SKP2: variants seen among roughly 807,000 people sequenced by gnomAD.
SKP2 encodes the protein S-phase kinase associated protein 2, also known as S-phase kinase-associated protein 2.
Under a neutral mutation model 51.8 loss-of-function variants are expected in SKP2, and 16 were observed. The ratio of observed to expected loss-of-function variants is 0.31; its 90% CI spans 0.21 to 0.47. SKP2 has a LOEUF of 0.47. SKP2 is among the 20% of genes least tolerant of loss of function. The pLI is 1.00. For missense variants in SKP2, 377 were observed against 505.3 expected, an observed-to-expected ratio of 0.75 and a Z score of 2.43; for synonymous variants, 176 against 198.6, an observed-to-expected ratio of 0.89 and a Z score of 0.96.
At chr5:36,179,346 A>G (rs567184932) in intron 9 of SKP2, among the ~76,000 whole-genome samples, 27 of 152,312 alleles carry the variant, frequency 1.8e-4, no homozygotes, top group African/African-American at 6.3e-4. Flanking sequence ...CAAGAGAGCC[A>G]TCTATGCTAA....
chr5:36,152,630 C>A, intron 1 of SKP2, 141 bp from the exon 2 acceptor site: 1 of 841,658 alleles, frequency 1.2e-6, no homozygotes, highest in Non-Finnish European at 1.8e-6. Context: ...TGGTAACTCG[C>A]CGCAGGCACA....
In SKP2 at chr5:36,163,677, C is replaced by T. The variant is rs1389333725; in HGVS notation, c.313C>T (p.Leu105Phe). ...ATGGGACTCCCTTCCGGATGAGCTGCTCTTGGGAATCTTTTCCTGTCTGTG... is the reference window on the plus strand; with the variant it reads ...ATGGGACTCCCTTCCGGATGAGCTGTTCTTGGGAATCTTTTCCTGTCTGTG... ...VSWDSLPDEL[L>F]LGIFSCLCLP... The change falls in exon 3 of 10, where the codon CTC (leucine) becomes TTC (phenylalanine). Residue 105 changes from leucine to phenylalanine, a missense_variant. Leu to Phe is a conservative substitution (Grantham distance 22). Transcript: ENST00000274255. 1 of 1,613,844 alleles carries T rather than the reference C, an allele frequency of 6.2e-7. No individual in the cohort carries two copies. Among genetic ancestry groups the T allele is most frequent in the Admixed American group, 1.7e-5 (1 of 59,994 alleles).
intron 2 of SKP2, among the ~76,000 whole-genome samples, chr5:36,158,366 T>C (rs1745017259): frequency 6.6e-6 from 1 of 152,238 alleles, no homozygotes; most frequent in Non-Finnish European, 1.5e-5. Context: ...CCTGGATGCC[T>C]ATTGCTAGAG....
At chr5:36,166,159 G>T (rs1745280678) in intron 3 of SKP2, among the ~76,000 whole-genome samples, 1 of 152,086 alleles carries the variant, frequency 6.6e-6, no homozygotes, top group Admixed American at 6.5e-5. Flanking sequence ...GATCCTATTT[G>T]CCTAGTAATA....
At chr5:36,166,689 A>G in intron 4 of SKP2, 27 bp downstream of exon 4, 1 of 1,594,710 alleles carries the variant, frequency 6.3e-7, no homozygotes, top group Non-Finnish European at 8.6e-7. Flanking sequence ...CCTGGAAAAG[A>G]CTATTTCTAA....
At chr5:36,181,187 C>CTAA (rs1490436586) in intron 9 of SKP2, among the ~76,000 whole-genome samples, 5 of 152,118 alleles carry the variant, frequency 3.3e-5, no homozygotes, top group Non-Finnish European at 7.4e-5. Context: ...ATGGCTATTA[C>CTAA]CTCCTATAAA....
At chr5:36,174,024 A>AT (rs762612814) in intron 7 of SKP2, among the ~76,000 whole-genome samples, 16 of 152,110 alleles carry the variant, frequency 1.1e-4, no homozygotes, top group Non-Finnish European at 1.8e-4. Flanking sequence ...GAGTTAAGAC[A>AT]TGTACAGCAT....
chr5:36,184,109 G>A lies in SKP2; in HGVS notation c.*2078G>A, dbSNP rs548540900. On this transcript the variant is annotated 3_prime_UTR_variant, in exon 10 of 10. Transcript: ENST00000274255. Reference sequence around the variant, plus strand: ...TGGTTAAAATTTGAAAGCATTTAGTGTGGTATGCCATTTGGCTTAGATACC... The same window carrying A: ...TGGTTAAAATTTGAAAGCATTTAGTATGGTATGCCATTTGGCTTAGATACC... 1.5e-4 allele frequency: 103 copies of A among 679,036 alleles called. 3 individuals are homozygous for A. The South Asian group carries it at 2.0e-3, about 13-fold the overall frequency. 42.1% of individuals were successfully genotyped at this position (679,036 alleles called of 1,614,324 possible). A position where few individuals can be genotyped will look rare whatever the true frequency, so the allele number is the denominator to read the frequency against.
chr5:36,190,489 T>C (rs1414326173), intron 6 of SKP2, among the ~76,000 whole-genome samples: 1 of 151,952 alleles, frequency 6.6e-6, no homozygotes, highest in Non-Finnish European at 1.5e-5. Flanking sequence ...TTTGATCAGG[T>C]TATACTATGT....
chr5:36,174,165 T>C (rs1337281030), intron 7 of SKP2, among the ~76,000 whole-genome samples: 1 of 152,138 alleles, frequency 6.6e-6, no homozygotes, highest in Non-Finnish European at 1.5e-5. Flanking sequence ...TGGTCTTGGA[T>C]TTGACCTTGA....
In SKP2 at chr5:36,163,700, G is replaced by T. The variant is rs753614174; in HGVS notation, c.336G>T (p.Leu112=). 1.2e-6 allele frequency: 2 copies of T among 1,613,930 alleles called. No individual in the cohort carries two copies. The highest frequency in any genetic ancestry group is 2.2e-5 in the South Asian group (2 of 91,084). ...TGCTCTTGGGAATCTTTTCCTGTCT[G>T]TGCCTCCCTGAGCTGCTAAAGGTCT... is the stretch of plus-strand genomic sequence containing the variant. ...DELLLGIFSC[L]CLPELLKVSG... Residue 112 remains leucine, a synonymous_variant, in exon 3 of 10, where the codon CTG becomes CTT. Coordinates refer to ENST00000274255, the MANE Select transcript of SKP2 (RefSeq NM_005983.4).
At chr5:36,181,679 T>C (rs1427533363) in intron 9 of SKP2, 139 bp from the exon 10 acceptor site, 4 of 841,752 alleles carry the variant, frequency 4.8e-6, no homozygotes, top group East Asian at 2.4e-5. Context: ...TTTGCTATTT[T>C]CTCAAATCAT....
At chr5:36,164,071 G>A (rs773698259) in intron 3 of SKP2, among the ~76,000 whole-genome samples, 5 of 152,158 alleles carry the variant, frequency 3.3e-5, no homozygotes, top group African/African-American at 7.2e-5. Flanking sequence ...TGCAGACAGC[G>A]GTTCCTCACG....
At chr5:36,189,619 A>G (rs1745987074) in intron 6 of SKP2, among the ~76,000 whole-genome samples, 1 of 152,208 alleles carries the variant, frequency 6.6e-6, no homozygotes, top group Non-Finnish European at 1.5e-5. Flanking sequence ...GTGAGGTGTC[A>G]GTCTGCCCCT....
chr5:36,152,809 T>C lies in SKP2; in HGVS notation c.47T>C (p.Val16Ala), dbSNP rs149400289. 1.9e-6 allele frequency: 3 copies of C among 1,614,054 alleles called. No homozygotes were observed. Among genetic ancestry groups the C allele is most frequent in the Non-Finnish European group, 2.5e-6 (3 of 1,180,008 alleles). ...GAGATTCCAGACCTGAGTAGCAACG[T>C]TGCCACCAGCTTCACGTGGGGATGG... The part of the protein sequence containing the change: ...LQEIPDLSSN[V>A]ATSFTWGWDS... Residue 16 changes from valine to alanine, a missense_variant, in exon 2 of 10, where the codon GTT (valine) becomes GCT (alanine). Physicochemically the swap from Val to Ala is moderately conservative, Grantham distance 64. Coordinates refer to ENST00000274255, the MANE Select transcript of SKP2 (RefSeq NM_005983.4).
intron 3 of SKP2, among the ~76,000 whole-genome samples, chr5:36,165,782 T>G (rs1356814826): frequency 6.6e-6 from 1 of 152,240 alleles, no homozygotes; most frequent in Non-Finnish European, 1.5e-5. Context: ...GTGCTTATAT[T>G]TCACATTTTC....
At chr5:36,187,534 T>C (rs1183628484), downstream of SKP2, among the ~76,000 whole-genome samples, 1 of 152,226 alleles carries the variant, frequency 6.6e-6, no homozygotes, top group African/African-American at 2.4e-5. Flanking sequence ...TTCCATGTAG[T>C]TGAGCAGTTT....
intron 8 of SKP2, 78 bp downstream of exon 8, chr5:36,177,094 G>A: frequency 7.5e-7 from 1 of 1,329,356 alleles, no homozygotes; most frequent in Non-Finnish European, 1.1e-6. Context: ...GGATCATAAT[G>A]TTGAAGCAAC....
chr5:36,191,988 C>T (rs1579585889), intron 6 of SKP2, among the ~76,000 whole-genome samples: 1 of 152,132 alleles, frequency 6.6e-6, no homozygotes, highest in East Asian at 1.9e-4. Context: ...TTTTACATTT[C>T]TCTAAATACC....
Sources: gnomAD v4.1 joint callset for allele counts (sites outside exome capture counted in the v4.1 genomes callset) on GRCh38, gnomAD v4.1.1 for gene constraint, MANE v1.5 for transcripts, NCBI Gene and HGNC (gene_info 2026-07-23, HGNC 2026-07-21) for gene names.